The following LIX1L variants were observed in gnomAD, a reference collection of about 807,000 sequenced individuals.
LIX1L encodes LIX1-like protein.
In LIX1L, 20 loss-of-function variants were observed where a neutral mutation model predicts 34.0. The observed-to-expected ratio is 0.59, with a 90% CI of 0.41 to 0.85. LIX1L has a LOEUF of 0.85. Ranked by LOEUF, LIX1L falls within the 40% of genes least tolerant of loss-of-function variation. The pLI is 0.00. For missense variants in LIX1L, 397 were observed against 447.0 expected, an observed-to-expected ratio of 0.89 and a Z score of 1.01; for synonymous variants, 170 against 187.4, an observed-to-expected ratio of 0.91 and a Z score of 0.76.
chr1:145,939,638 CTTTTTTT>C (rs587705670), intron 3 of LIX1L, among the ~76,000 whole-genome samples: 11 of 132,760 alleles, frequency 8.3e-5, no homozygotes, highest in African/African-American at 1.9e-4. Flanking sequence ...TTTTCTTTTT[CTTTTTTT>C]TTTTTTTTTT....
chr1:145,940,946 A>T, intron 3 of LIX1L, among the ~76,000 whole-genome samples: 1 of 152,048 alleles, frequency 6.6e-6, no homozygotes, highest in East Asian at 1.9e-4. Flanking sequence ...TCCACCCCAC[A>T]ATGTGCTGAG....
At chr1:145,941,406 C>T (rs768905404) in intron 3 of LIX1L, among the ~76,000 whole-genome samples, 2 of 152,058 alleles carry the variant, frequency 1.3e-5, no homozygotes. Context: ...GCGCCCACCA[C>T]TGCGCCCAGC....
Position 145,948,300 on chromosome 1 carries a change from ATCCATAT to A in LIX1L, c.293-525_293-519del, listed in dbSNP as rs1229862448. Among the ~76,000 whole-genome samples the A allele has an allele frequency of 6.6e-6, 1 of 152,210 alleles. No homozygotes were observed. Among genetic ancestry groups the A allele is most frequent in the Non-Finnish European group, 1.5e-5 (1 of 68,036 alleles). ...ACTTTATGAAGCAGATATTTTTACT[ATCCATAT>A]TTTACAGATGAGGGAAATGAGGTAC... On this transcript the variant is annotated intron_variant, in intron 1 of 5. Coordinates refer to ENST00000604000, the MANE Select transcript of LIX1L (RefSeq NM_153713.3). This position sits in a 1 kb window ranked among gnomAD's most constrained non-coding sequence, Gnocchi z 4.0.
intron 4 of LIX1L, 105 bp downstream of exon 4, chr1:145,937,498 CT>C: frequency 1.4e-6 from 1 of 704,906 alleles, no homozygotes. Flanking sequence ...TAACAACCTT[CT>C]TTCTTTTCCA....
At position 145,937,670 on chromosome 1, in the gene LIX1L, A is replaced by C. The variant is rs189730184; in HGVS notation, c.627T>G (p.Asn209Lys). The stretch of plus-strand genomic sequence containing the variant: ...TGAATCGGAAGGCACCAATCCCTGT[A>C]TTTGGGTTGTCAGCTTCCTCCCTGT... ...NGNREEADNP[N>K]TGIGAFRFML... The change falls in exon 4 of 6, where the codon AAT becomes AAG. Residue 209 changes from asparagine to lysine, a missense_variant. Asn to Lys is a moderately conservative substitution (Grantham distance 94, BLOSUM62 0). This residue lies in a region of LIX1L where 174 missense variants were observed against 204.0 expected (regional missense o/e 0.85). Coordinates refer to ENST00000604000, the MANE Select transcript of LIX1L (RefSeq NM_153713.3). 1 of 1,613,546 alleles carries C rather than the reference A, an allele frequency of 6.2e-7. No individual in the cohort carries two copies. Among genetic ancestry groups the C allele is most frequent in the Non-Finnish European group, 8.5e-7 (1 of 1,179,638 alleles).
intron 1 of LIX1L, among the ~76,000 whole-genome samples, chr1:145,956,561 T>C (rs965974338): frequency 1.3e-5 from 2 of 152,178 alleles, no homozygotes; most frequent in Admixed American, 6.5e-5. Flanking sequence ...TCACTAAACT[T>C]TCTTAAAAAA....
intron 1 of LIX1L, 33 bp downstream of exon 1, chr1:145,957,603 G>T: frequency 6.8e-7 from 1 of 1,472,460 alleles, no homozygotes; most frequent in Non-Finnish European, 8.9e-7. Context: ...CTTACAGAGG[G>T]TGTCGCGCAG....
Position 145,936,021 on chromosome 1 carries a change from GA to G in LIX1L, c.*288del. On this transcript the variant is annotated 3_prime_UTR_variant, in exon 6 of 6. Transcript: ENST00000604000. ...CTAGAGTTAATCTTTTAGTGCTACT[GA>G]AATGGCTACACAGTTAATCTGGAAG... is the stretch of plus-strand genomic sequence containing the variant. 2.7e-6 allele frequency: 1 copy of G among 376,458 alleles called. No individual in the cohort carries two copies. Among genetic ancestry groups the G allele is most frequent in the Non-Finnish European group, 4.8e-6 (1 of 206,264 alleles). The allele number at this position is 376,458 out of a possible 1,614,324, so 23.3% of individuals were successfully genotyped here. A position where few individuals can be genotyped will look rare whatever the true frequency, so the allele number is the denominator to read the frequency against.
At chr1:145,952,681 G>A (rs1351467240) in intron 1 of LIX1L, among the ~76,000 whole-genome samples, 2 of 151,492 alleles carry the variant, frequency 1.3e-5, no homozygotes, top group Non-Finnish European at 2.9e-5. Flanking sequence ...GCATGATCTT[G>A]GCTCACGGCA....
At chr1:145,940,350 A>AT (rs587677100) in intron 3 of LIX1L, among the ~76,000 whole-genome samples, 7,063 of 125,438 alleles carry the variant, frequency 0.056, 238 homozygotes, top group Non-Finnish European at 0.076. Flanking sequence ...TTCCTTTTCT[A>AT]TTTTTTTTTT....
At chr1:145,951,089 C>G (rs1319422218) in intron 1 of LIX1L, among the ~76,000 whole-genome samples, 2 of 152,162 alleles carry the variant, frequency 1.3e-5, no homozygotes, top group African/African-American at 2.4e-5. Flanking sequence ...CTCTGTTTCC[C>G]AGGCTGGAGT....
At chr1:145,945,932 C>CAAAAA (rs782015208) in intron 2 of LIX1L, among the ~76,000 whole-genome samples, 34 of 71,894 alleles carry the variant, frequency 4.7e-4, no homozygotes, top group Middle Eastern at 9.8e-3. Flanking sequence ...CTAAAAATAC[C>CAAAAA]AAAAAAAAAA....
intron 3 of LIX1L, chr1:145,941,372 C>G (rs1414181134): frequency 6.6e-6 from 1 of 152,008 alleles, no homozygotes; most frequent in South Asian, 2.1e-4. Flanking sequence ...CCTGCCTCGG[C>G]CTCCCGAGTA....
chr1:145,957,991 C>A lies in LIX1L; in HGVS notation c.-64G>T. 8.5e-7 allele frequency: 1 copy of A among 1,171,806 alleles called. No homozygotes were observed. The highest frequency in any genetic ancestry group is 1.1e-6 in the Non-Finnish European group (1 of 890,336). The allele number at this position is 1,171,806 out of a possible 1,614,324, so 72.6% of individuals were successfully genotyped here. On this transcript the variant is annotated 5_prime_UTR_variant, in exon 1 of 6. Transcript: ENST00000604000. ...CCTGCCGAGCTAACGGTCCCAACCA[C>A]CCCAGTCAGCTAGCGCCTGGGGACT...
intron 1 of LIX1L, among the ~76,000 whole-genome samples, chr1:145,951,108 G>A (rs1025755449): frequency 6.6e-6 from 1 of 152,110 alleles, no homozygotes; most frequent in Non-Finnish European, 1.5e-5. Flanking sequence ...GTGCAGTGGC[G>A]CAATCTTGGC....
intron 4 of LIX1L, 143 bp from the exon 5 acceptor site, chr1:145,937,128 ATATT>A (rs111555787): frequency 0.43 from 83,503 of 194,850 alleles, 23,854 homozygotes; most frequent in Admixed American, 0.56. Context: ...GGGAAGAAAA[ATATT>A]TATTTATTTA....
chr1:145,952,028 C>T (rs922552147), intron 1 of LIX1L, among the ~76,000 whole-genome samples: 15 of 152,162 alleles, frequency 9.9e-5, no homozygotes, highest in African/African-American at 3.6e-4. Flanking sequence ...TGCTTCTAGA[C>T]TTATTCATTT....
chr1:145,939,434 T>C (rs140157796), intron 3 of LIX1L, among the ~76,000 whole-genome samples: 363 of 151,852 alleles, frequency 2.4e-3, no homozygotes, highest in African/African-American at 8.3e-3. Flanking sequence ...GCCTCCCACG[T>C]AGCTGGGACT....
At chr1:145,940,523 TTTTTCTTTTTTTTTTTCC>T (rs1648866195) in intron 3 of LIX1L, among the ~76,000 whole-genome samples, 1 of 132,342 alleles carries the variant, frequency 7.6e-6, no homozygotes, top group African/African-American at 4.1e-5. Flanking sequence ...ATTTTTGTAT[TTTTTCTTTTTTTTTTTCC>T]TTTTCTTTCT....
Sources: allele counts gnomAD v4.1 joint callset (sites outside exome capture counted in the v4.1 genomes callset), GRCh38; gene constraint gnomAD v4.1.1; regional missense constraint gnomAD v4.1.1; non-coding constraint Gnocchi (gnomAD v3.1); transcripts MANE v1.5; gene names NCBI Gene and HGNC (gene_info 2026-07-23, HGNC 2026-07-21).